The following GRM7 variants were observed in gnomAD, a reference collection of about 807,000 sequenced individuals.
GRM7 encodes glutamate metabotropic receptor 7.
In GRM7, 35 loss-of-function variants were observed where a neutral mutation model predicts 84.5. The observed-to-expected ratio is 0.41, with a 90% CI of 0.32 to 0.55. GRM7 has a LOEUF of 0.55. GRM7 is among the 20% of genes least tolerant of loss of function. GRM7 has a pLI of 0.19. For missense variants in GRM7, 1,003 were observed against 1,194.6 expected (o/e 0.84, Z 2.36); for synonymous variants, 487 against 455.1 (o/e 1.07, Z -0.89).
At chr3:6,881,521 T>G (rs1695505967) in intron 1 of GRM7, among the ~76,000 whole-genome samples, 1 of 152,198 alleles carries the variant, frequency 6.6e-6, no homozygotes, top group Non-Finnish European at 1.5e-5. Flanking sequence ...GTACCACATT[T>G]TCTTTATCCA....
chr3:7,334,140 A>C (rs1479455499), intron 4 of GRM7, among the ~76,000 whole-genome samples: 1 of 152,114 alleles, frequency 6.6e-6, no homozygotes, highest in Non-Finnish European at 1.5e-5. Context: ...AAAGATGATC[A>C]CCTAGGCACA....
chr3:7,371,719 G>T (rs1381463057), intron 4 of GRM7, among the ~76,000 whole-genome samples: 1 of 152,152 alleles, frequency 6.6e-6, no homozygotes, highest in African/African-American at 2.4e-5. Context: ...TATGCATTAA[G>T]TAGTAGAGCT....
At chr3:7,653,180 CTTTTT>C (rs1218949173) in intron 8 of GRM7, among the ~76,000 whole-genome samples, 4 of 89,514 alleles carry the variant, frequency 4.5e-5, no homozygotes, top group Non-Finnish European at 5.8e-5. Context: ...ATACTATATC[CTTTTT>C]TTTTTTTTTT....
chr3:7,734,612 A>G (rs1702440364), intron 9 of GRM7, among the ~76,000 whole-genome samples: 2 of 152,318 alleles, frequency 1.3e-5, no homozygotes, highest in Middle Eastern at 6.8e-3. Context: ...TTTCTGACTG[A>G]TCATGTTTTT....
intron 4 of GRM7, among the ~76,000 whole-genome samples, chr3:7,333,201 C>A (rs1701276833): frequency 6.6e-6 from 1 of 152,176 alleles, no homozygotes; most frequent in African/African-American, 2.4e-5. Context: ...TTTGAGAAAA[C>A]CAGTGCACTA....
chr3:7,652,356 A>C (rs1698983315), intron 8 of GRM7, among the ~76,000 whole-genome samples: 1 of 152,194 alleles, frequency 6.6e-6, no homozygotes, highest in South Asian at 2.1e-4. Context: ...GAAAGTTCTC[A>C]GAAGGAAAGA....
intron 1 of GRM7, among the ~76,000 whole-genome samples, chr3:7,120,809 C>G (rs1379086747): frequency 1.3e-5 from 2 of 152,082 alleles, no homozygotes; most frequent in Admixed American, 6.6e-5. Context: ...TAGACCATAA[C>G]AAGTTTACTT....
chr3:7,097,878 C>T (rs1380144954), intron 1 of GRM7, among the ~76,000 whole-genome samples: 2 of 152,058 alleles, frequency 1.3e-5, no homozygotes, highest in African/African-American at 4.8e-5. Context: ...TTACATTTGC[C>T]ATACCTTTGA....
intron 8 of GRM7, among the ~76,000 whole-genome samples, chr3:7,656,382 G>C (rs949428413): frequency 1.3e-5 from 2 of 151,960 alleles, no homozygotes; most frequent in African/African-American, 4.8e-5. Flanking sequence ...TGTAGTCCCA[G>C]CTACTTGGGA....
chr3:7,613,536 T>G (rs1036417256), intron 8 of GRM7, among the ~76,000 whole-genome samples: 1 of 152,066 alleles, frequency 6.6e-6, no homozygotes, highest in African/African-American at 2.4e-5. Flanking sequence ...GAGAAGAAAA[T>G]GCTCACATCT....
chr3:6,862,170 C>A lies in GRM7; in HGVS notation c.519+263C>A, dbSNP rs1694776915. Among the ~76,000 whole-genome samples the A allele has an allele frequency of 6.6e-6, 1 of 151,896 alleles. No homozygotes were observed. Among genetic ancestry groups the A allele is most frequent in the South Asian group, 2.1e-4 (1 of 4,822 alleles). ...GGCCCCATTTACAAGAAGCAATCTGCGAAAAACAAGGCGATGATTTAAATG... is the reference window on the plus strand; with the variant it reads ...GGCCCCATTTACAAGAAGCAATCTGAGAAAAACAAGGCGATGATTTAAATG... On this transcript the variant is annotated intron_variant, in intron 1 of 9. Transcript: ENST00000357716. The surrounding 1 kb of genome is among the most constrained non-coding windows in gnomAD (Gnocchi z 5.2).
At chr3:7,091,696 C>G in intron 1 of GRM7, among the ~76,000 whole-genome samples, 1 of 58,904 alleles carries the variant, frequency 1.7e-5, no homozygotes, top group Non-Finnish European at 3.2e-5. Flanking sequence ...GGAGTAAAGT[C>G]TATATAAATA....
intron 1 of GRM7, among the ~76,000 whole-genome samples, chr3:7,038,899 C>G (rs149761204): frequency 0.017 from 2,590 of 152,020 alleles, 36 homozygotes; most frequent in Middle Eastern, 0.086. Flanking sequence ...ACCTTTATGC[C>G]GATAGGTTTC....
intron 1 of GRM7, among the ~76,000 whole-genome samples, chr3:7,141,741 A>AT (rs1390537073): frequency 1.3e-5 from 2 of 152,068 alleles, no homozygotes; most frequent in Non-Finnish European, 2.9e-5. Context: ...TGAAAAAAAA[A>AT]ATCAAATAGT....
At chr3:7,270,149 T>C (rs1037277522) in intron 2 of GRM7, among the ~76,000 whole-genome samples, 2 of 152,228 alleles carry the variant, frequency 1.3e-5, no homozygotes, top group Non-Finnish European at 2.9e-5. Flanking sequence ...AAAGCCACAC[T>C]TTGAGAACCA....
chr3:7,392,940 T>C (rs1695058587), intron 4 of GRM7, among the ~76,000 whole-genome samples: 1 of 152,046 alleles, frequency 6.6e-6, no homozygotes, highest in Admixed American at 6.5e-5. Context: ...GGTCCTTGGC[T>C]GGGCAGCGGC....
chr3:7,143,054 T>C (rs546857753), intron 1 of GRM7, among the ~76,000 whole-genome samples: 128 of 152,132 alleles, frequency 8.4e-4, no homozygotes, highest in Non-Finnish European at 1.7e-3. Flanking sequence ...ATTGCCTTTA[T>C]CAAAAGATCA....
intron 1 of GRM7, among the ~76,000 whole-genome samples, chr3:6,953,929 C>A (rs894428554): frequency 2.0e-5 from 3 of 151,874 alleles, no homozygotes; most frequent in Non-Finnish European, 2.9e-5. Flanking sequence ...ATATAGAAAG[C>A]AATTCATAAT....
chr3:6,884,100 C>T (rs1489767184), intron 1 of GRM7: 1 of 152,628 alleles, frequency 6.6e-6, no homozygotes, highest in African/African-American at 2.4e-5. Flanking sequence ...GGTAAATAGG[C>T]AGAGCCATTT....
Sources: allele counts gnomAD v4.1 joint callset (sites outside exome capture counted in the v4.1 genomes callset), GRCh38; gene constraint gnomAD v4.1.1; non-coding constraint Gnocchi (gnomAD v3.1); transcripts MANE v1.5; gene names NCBI Gene and HGNC (gene_info 2026-07-23, HGNC 2026-07-21).